Variants in N4BP1 observed in about 807,000 individuals in gnomAD.
The protein encoded by N4BP1 is NEDD4 binding protein 1.
Under a neutral mutation model 70.9 loss-of-function variants are expected in N4BP1, and 21 were observed. That is an observed-to-expected ratio of 0.30 (90% CI 0.21 to 0.43). The LOEUF (loss-of-function observed/expected upper bound fraction) is 0.43. N4BP1 is among the 20% of genes least tolerant of loss of function. The pLI is 1.00. For missense variants in N4BP1, 936 were observed against 1,069.4 expected (o/e 0.88, Z 1.74); for synonymous variants, 387 against 394.6 (o/e 0.98, Z 0.23).
Position 48,554,216 on chromosome 16 carries a change from CAAT to C in N4BP1, c.1890-550_1890-548del, listed in dbSNP as rs10574193. On this transcript the variant is annotated intron_variant, in intron 2 of 6. Transcript: ENST00000262384. ...AAAAGAACAGCAACAACAACAACAA[CAAT>C]GAACAGTAGAGAACACAGGTTAGCA... 2.3e-3 allele frequency among the ~76,000 whole-genome samples: 354 copies of C among 151,248 alleles called. 2 individuals carry two copies. The highest frequency in any genetic ancestry group is 8.2e-3 in the African/African-American group (338 of 41,366).
chr16:48,590,060 G>T, intron 1 of N4BP1, among the ~76,000 whole-genome samples: 1 of 152,102 alleles, frequency 6.6e-6, no homozygotes. Context: ...CTGGCTCCAA[G>T]AGTCTGAACC....
At chr16:48,603,679 C>A (rs2151103391) in intron 1 of N4BP1, 1 of 152,244 alleles carries the variant, frequency 6.6e-6, no homozygotes, top group Admixed American at 6.5e-5. Flanking sequence ...CTGAGGCACC[C>A]CTTGGCCCTC....
In N4BP1 at chr16:48,561,684, A is replaced by C; in HGVS notation, c.959T>G (p.Val320Gly). Residue 320 changes from valine (V) to glycine (G), a missense_variant, in exon 2 of 7, where the codon GTA becomes GGA. Physicochemically the swap from Val to Gly is moderately radical, Grantham distance 109 (BLOSUM62 -3). Coordinates refer to ENST00000262384, the MANE Select transcript of N4BP1 (RefSeq NM_153029.4). The part of the protein sequence containing the change: ...LHDAKTLAGN[V>G]IADLSDSSAD... ...AGAAGAATCAGATAGGTCAGCTATT[A>C]CATTTCCAGCCAATGTCTTAGCATC... The C allele has an allele frequency of 6.2e-7, 1 of 1,613,118 alleles. No individual in the cohort carries two copies. The highest frequency in any genetic ancestry group is 1.1e-5 in the South Asian group (1 of 91,084).
At chr16:48,586,144 G>T (rs1416285207) in intron 1 of N4BP1, among the ~76,000 whole-genome samples, 1 of 152,190 alleles carries the variant, frequency 6.6e-6, no homozygotes, top group Non-Finnish European at 1.5e-5. Context: ...AAGTAAGACA[G>T]ACACAGAATT....
chr16:48,554,852 C>T (rs1307574929), intron 2 of N4BP1, among the ~76,000 whole-genome samples: 2 of 152,200 alleles, frequency 1.3e-5, no homozygotes, highest in Non-Finnish European at 2.9e-5. Context: ...TAAATGCAGC[C>T]CAAGGCCTTT....
At chr16:48,544,258 C>T (rs181260607) in intron 6 of N4BP1, among the ~76,000 whole-genome samples, 2 of 152,308 alleles carry the variant, frequency 1.3e-5, no homozygotes, top group Admixed American at 1.3e-4. Flanking sequence ...TTCACAAGAC[C>T]AGGGAGTTGA....
chr16:48,596,350 C>T (rs182144151), intron 1 of N4BP1, among the ~76,000 whole-genome samples: 1 of 152,274 alleles, frequency 6.6e-6, no homozygotes, highest in Non-Finnish European at 1.5e-5. Flanking sequence ...AATACTAACA[C>T]CTTTGTCATG....
intron 2 of N4BP1, among the ~76,000 whole-genome samples, chr16:48,554,085 G>A (rs1365688713): frequency 6.6e-6 from 1 of 151,856 alleles, no homozygotes; most frequent in African/African-American, 2.4e-5. Context: ...TACAGCTTAC[G>A]AGAAACACGT....
At chr16:48,585,309 C>A (rs1190219189) in intron 1 of N4BP1, among the ~76,000 whole-genome samples, 3 of 151,710 alleles carry the variant, frequency 2.0e-5, no homozygotes, top group Admixed American at 2.0e-4. Context: ...ATTAGGTAAG[C>A]TAATATTACT....
chr16:48,567,297 A>G (rs1218167918), intron 1 of N4BP1, among the ~76,000 whole-genome samples: 1 of 152,096 alleles, frequency 6.6e-6, no homozygotes. Context: ...ACAAACACTT[A>G]GTATAATAAT....
chr16:48,603,688 TCA>T (rs1045207393), intron 1 of N4BP1: 1 of 152,142 alleles, frequency 6.6e-6, no homozygotes, highest in African/African-American at 2.4e-5. Context: ...CCCTTGGCCC[TCA>T]GAGTCATCCT....
At chr16:48,552,568 C>T (rs533378446) in intron 3 of N4BP1, among the ~76,000 whole-genome samples, 6 of 151,318 alleles carry the variant, frequency 4.0e-5, no homozygotes, top group Admixed American at 1.3e-4. Flanking sequence ...CGTGGTGGTG[C>T]GTGCCTGCAG....
Position 48,543,227 on chromosome 16 carries a change from C to A in N4BP1, c.2368G>T (p.Val790Leu). 1 of 1,550,794 alleles carries A rather than the reference C, an allele frequency of 6.4e-7. No individual in the cohort carries two copies. The highest frequency in any genetic ancestry group is 8.7e-7 in the Non-Finnish European group (1 of 1,147,002). ...CTGAAGCTGGGGTCAAACATGCCCACATTTGGCAGGGCACTGAGTAGGGGC... is the reference window on the plus strand; with the variant it reads ...CTGAAGCTGGGGTCAAACATGCCCAAATTTGGCAGGGCACTGAGTAGGGGC... ...MQPLLSALPN[V>L]GMFDPSFRVP... The change falls in exon 7 of 7, where the codon GTG becomes TTG. Residue 790 changes from valine to leucine, a missense_variant. Transcript: ENST00000262384.
chr16:48,539,010 T>C lies in N4BP1; in HGVS notation c.*3894A>G, dbSNP rs1008475393. 2 of 152,090 alleles carry C rather than the reference T, an allele frequency of 1.3e-5. No individual in the cohort carries two copies. Among genetic ancestry groups the C allele is most frequent in the Non-Finnish European group, 2.9e-5 (2 of 68,068 alleles). The allele number at this position is 152,090 out of a possible 1,614,324, so 9.4% of individuals were successfully genotyped here. On this transcript the variant is annotated 3_prime_UTR_variant, in exon 7 of 7. Transcript: ENST00000262384. ...CTGGGCCTTCCAGGAGGGAAGCCAT[T>C]TGGGAGAAGGGCATCTCTAGCGGAG...
At chr16:48,604,093 A>T (rs575386381) in intron 1 of N4BP1, among the ~76,000 whole-genome samples, 41 of 152,124 alleles carry the variant, frequency 2.7e-4, no homozygotes, top group Non-Finnish European at 5.3e-4. Context: ...CTTGGCCCTT[A>T]CTTCATCCCA....
At chr16:48,591,564 G>C (rs1458830393) in intron 1 of N4BP1, among the ~76,000 whole-genome samples, 1 of 150,878 alleles carries the variant, frequency 6.6e-6, no homozygotes, top group Non-Finnish European at 1.5e-5. Flanking sequence ...AATTTAAAAA[G>C]AGCTCTATGG....
chr16:48,592,924 T>C (rs964878144), intron 1 of N4BP1, among the ~76,000 whole-genome samples: 1 of 152,126 alleles, frequency 6.6e-6, no homozygotes, highest in Non-Finnish European at 1.5e-5. Context: ...TAAATTCTTG[T>C]CCTAAAGTAA....
chr16:48,574,338 C>A (rs966758471), intron 1 of N4BP1, among the ~76,000 whole-genome samples: 12 of 152,130 alleles, frequency 7.9e-5, no homozygotes, highest in African/African-American at 2.9e-4. Flanking sequence ...TGTTTCTTAT[C>A]TGACATTTGA....
At chr16:48,584,939 C>A (rs555375472) in intron 1 of N4BP1, among the ~76,000 whole-genome samples, 8 of 152,112 alleles carry the variant, frequency 5.3e-5, no homozygotes, top group African/African-American at 1.4e-4. Flanking sequence ...TAAATCTATA[C>A]TTTTTTCTTT....
Sources: gnomAD v4.1 joint callset for allele counts (sites outside exome capture counted in the v4.1 genomes callset) on GRCh38, gnomAD v4.1.1 for gene constraint, MANE v1.5 for transcripts, NCBI Gene and HGNC (gene_info 2026-07-23, HGNC 2026-07-21) for gene names.